Variants in MTMR8 observed in about 807,000 individuals in gnomAD.
MTMR8 encodes myotubularin related protein 8, also known as phosphatidylinositol-3,5-bisphosphate 3-phosphatase MTMR8.
A neutral mutation model predicts 39.3 loss-of-function variants in MTMR8; 65 were observed. That is an observed-to-expected ratio of 1.65 (90% confidence interval 1.35 to 2.03). The LOEUF is 2.03. Among genes scored for constraint, MTMR8 ranks in the 30% most tolerant of loss-of-function variants. MTMR8 has a pLI of 0.00. For missense variants in MTMR8, 777 were observed against 538.9 expected (o/e 1.44, Z -4.37); for synonymous variants, 245 against 185.2 (o/e 1.32, Z -2.62).
chrX:64,381,231 T>A (rs1379957220), intron 1 of MTMR8, among the ~76,000 whole-genome samples: 2 of 111,739 alleles, frequency 1.8e-5, no homozygotes, highest in Non-Finnish European at 3.8e-5. Flanking sequence ...AGTGTTCCTA[T>A]TTCTCCACAT....
intron 12 of MTMR8, among the ~76,000 whole-genome samples, chrX:64,323,935 T>C (rs970468635): frequency 1.8e-5 from 2 of 112,595 alleles, no homozygotes; most frequent in Non-Finnish European, 3.7e-5. Flanking sequence ...GGAAATCTTA[T>C]AGCAATAAAT....
chrX:64,275,894 C>T (rs1026210617), intron 12 of MTMR8, among the ~76,000 whole-genome samples: 15 of 111,072 alleles, frequency 1.4e-4, no homozygotes, highest in African/African-American at 4.9e-4. Context: ...AAACACACAA[C>T]CTACCAAGAC....
chrX:64,365,828 G>T (rs762114440), intron 1 of MTMR8, among the ~76,000 whole-genome samples: 35 of 111,528 alleles, frequency 3.1e-4, no homozygotes, highest in Non-Finnish European at 5.5e-4. Flanking sequence ...ATTGGATAGA[G>T]TCCAAGACCC....
intron 1 of MTMR8, among the ~76,000 whole-genome samples, chrX:64,366,564 C>A (rs1309373000): frequency 1.8e-5 from 2 of 111,791 alleles, no homozygotes; most frequent in African/African-American, 6.5e-5. Context: ...CCAATGAGAA[C>A]AAACACACAA....
intron 12 of MTMR8, among the ~76,000 whole-genome samples, chrX:64,314,275 T>G (rs760143711): frequency 1.8e-5 from 2 of 113,040 alleles, no homozygotes; most frequent in South Asian, 7.2e-4. Context: ...GTGGTGGCAG[T>G]GGCAGCACAG....
chrX:64,374,526 G>T (rs1191192274), intron 1 of MTMR8, among the ~76,000 whole-genome samples: 1 of 111,725 alleles, frequency 9.0e-6, no homozygotes, highest in Non-Finnish European at 1.9e-5. Flanking sequence ...CAGAGTTAGT[G>T]CTCACAAATC....
At chrX:64,351,493 A>G (rs1266680735) in intron 4 of MTMR8, among the ~76,000 whole-genome samples, 1 of 111,749 alleles carries the variant, frequency 8.9e-6, no homozygotes, top group Non-Finnish European at 1.9e-5. Flanking sequence ...CTAGAGGGAC[A>G]GAACTAATAG....
rs748989099 is a variant in MTMR8, at chrX:64,343,650, G to A, written c.936C>T (p.His312=). The A allele has an allele frequency of 3.5e-5, 42 of 1,205,799 alleles. No homozygotes were observed. The Admixed American group carries it at 8.5e-4, about 24-fold the overall frequency. Residue 312 remains histidine (H), a synonymous_variant, in exon 8 of 14, where the codon CAC becomes CAT. Coordinates refer to ENST00000374852, the MANE Select transcript of MTMR8 (RefSeq NM_017677.4). The part of the protein sequence containing the change: ...SGLESSGWLR[H]IKAIMDAGIF... ...TTCCAGCATCCATAATAGCTTTAAT[G>A]TGTCTTAACCACCCTGAGCTCTCCA...
chrX:64,362,319 A>G (rs190983874), intron 1 of MTMR8, among the ~76,000 whole-genome samples: 1 of 106,959 alleles, frequency 9.3e-6, no homozygotes, highest in Admixed American at 1.0e-4. Flanking sequence ...TTCTAAATTT[A>G]CATAGAAGAA....
intron 12 of MTMR8, among the ~76,000 whole-genome samples, chrX:64,297,307 T>C (rs1449785023): frequency 9.1e-6 from 1 of 110,004 alleles, no homozygotes; most frequent in African/African-American, 3.3e-5. Flanking sequence ...ATAGTGGTTT[T>C]GATTTGCATT....
intron 6 of MTMR8, among the ~76,000 whole-genome samples, chrX:64,347,799 A>T (rs1358099575): frequency 1.8e-5 from 2 of 112,583 alleles, no homozygotes. Flanking sequence ...GGACACAATG[A>T]GTTCTTCTAC....
At chrX:64,370,638 A>C (rs1189094874) in intron 1 of MTMR8, among the ~76,000 whole-genome samples, 17 of 112,148 alleles carry the variant, frequency 1.5e-4, no homozygotes, top group Non-Finnish European at 2.8e-4. Context: ...GTCATGCACC[A>C]CATAACAACA....
intron 6 of MTMR8, among the ~76,000 whole-genome samples, chrX:64,348,031 C>T (rs370135254): frequency 1.6e-3 from 179 of 111,865 alleles, no homozygotes; most frequent in Admixed American, 2.5e-3. Flanking sequence ...CCAAAATCCA[C>T]GGCAAATTTA....
intron 12 of MTMR8, among the ~76,000 whole-genome samples, chrX:64,299,629 A>G (rs1414467031): frequency 2.6e-5 from 2 of 75,589 alleles, no homozygotes; most frequent in East Asian, 9.2e-4. Context: ...TAGCTTTTGA[A>G]TGTGTTTGCT....
At position 64,379,312 on chromosome X, in the gene MTMR8, A is replaced by C. The variant is rs6624686; in HGVS notation, c.24+16028T>G. On this transcript the variant is annotated intron_variant, in intron 1 of 13. Transcript: ENST00000374852. ...CATTACCCTAATTCCAAAACCAGAA[A>C]ATACATTACTAGAAAGGAAAAGTAC... 1.1e-4 allele frequency among the ~76,000 whole-genome samples: 12 copies of C among 112,215 alleles called. No homozygotes were observed. In the East Asian group the frequency reaches 3.4e-3, roughly 31 times the overall value.
chrX:64,353,384 A>C (rs1210921207), intron 4 of MTMR8, among the ~76,000 whole-genome samples: 2 of 112,267 alleles, frequency 1.8e-5, no homozygotes, highest in African/African-American at 6.5e-5. Flanking sequence ...AAGGAGCCCA[A>C]GAAACTCAAT....
At chrX:64,332,714 T>C (rs1284163437) in intron 10 of MTMR8, among the ~76,000 whole-genome samples, 1 of 111,962 alleles carries the variant, frequency 8.9e-6, no homozygotes, top group African/African-American at 3.2e-5. Context: ...TTTGTGTTGA[T>C]GTAGATGACT....
intron 3 of MTMR8, among the ~76,000 whole-genome samples, chrX:64,355,678 G>A (rs894534691): frequency 1.8e-4 from 20 of 110,852 alleles, no homozygotes; most frequent in East Asian, 8.6e-4. Context: ...AGGGGTGGGG[G>A]CTGGGGAATG....
intron 10 of MTMR8, among the ~76,000 whole-genome samples, 188 bp downstream of exon 10, chrX:64,335,891 T>C (rs1020511429): frequency 8.9e-6 from 1 of 112,446 alleles, no homozygotes; most frequent in African/African-American, 3.2e-5. Flanking sequence ...ACAGGGATAA[T>C]ATTCTGGTTA....
Sources: allele counts gnomAD v4.1 joint callset (sites outside exome capture counted in the v4.1 genomes callset), GRCh38; gene constraint gnomAD v4.1.1; transcripts MANE v1.5; gene names NCBI Gene and HGNC (gene_info 2026-07-23, HGNC 2026-07-21).